CGNL1: variants seen among roughly 807,000 people sequenced by gnomAD.
The protein encoded by CGNL1 is cingulin like 1, also known as cingulin-like protein 1.
Under a neutral mutation model 141.2 loss-of-function variants are expected in CGNL1, and 132 were observed. The ratio of observed to expected loss-of-function variants is 0.93; its 90% CI spans 0.81 to 1.08. The LOEUF (loss-of-function observed/expected upper bound fraction) is 1.08, where lower values mean the gene tolerates loss of function less well. Among genes scored for constraint, CGNL1 ranks in the 50% least tolerant of loss-of-function variants. The pLI is 0.00. For synonymous variants in CGNL1, 690 were observed against 622.1 expected (o/e 1.11, Z -1.63); for missense variants, 1,870 against 1,588.6 (o/e 1.18, Z -3.01).
At chr15:57,410,991 A>T (rs1595674680) in intron 1 of CGNL1, among the ~76,000 whole-genome samples, 1 of 152,254 alleles carries the variant, frequency 6.6e-6, no homozygotes, top group Admixed American at 6.5e-5. Flanking sequence ...CTTAGAGAAC[A>T]TAATTGTTAC....
chr15:57,382,060 C>T (rs1306013643), intron 1 of CGNL1, among the ~76,000 whole-genome samples: 1 of 152,146 alleles, frequency 6.6e-6, no homozygotes, highest in Non-Finnish European at 1.5e-5. Context: ...AGATTAAAAA[C>T]AAAATTCAGC....
intron 14 of CGNL1, among the ~76,000 whole-genome samples, chr15:57,539,805 T>C (rs1439351081): frequency 6.6e-6 from 1 of 152,196 alleles, no homozygotes; most frequent in Non-Finnish European, 1.5e-5. Flanking sequence ...TTATTCTTTA[T>C]ATATTGCTCC....
At chr15:57,538,854 C>G (rs567730113) in intron 14 of CGNL1, among the ~76,000 whole-genome samples, 162 of 152,288 alleles carry the variant, frequency 1.1e-3, no homozygotes, top group Non-Finnish European at 1.8e-3. Flanking sequence ...ATTGAGAGTC[C>G]TAGGTCCTAC....
chr15:57,527,474 G>T (rs2031683977), intron 12 of CGNL1: 2 of 152,184 alleles, frequency 1.3e-5, no homozygotes, highest in South Asian at 4.1e-4. Context: ...CTCAATACTA[G>T]TACCAACTCC....
chr15:57,434,596 T>G (rs2035617474), intron 1 of CGNL1, among the ~76,000 whole-genome samples: 1 of 152,088 alleles, frequency 6.6e-6, no homozygotes, highest in African/African-American at 2.4e-5. Context: ...ATTATGAAAT[T>G]TCAGAATACC....
rs115052971 is a variant in CGNL1, at chr15:57,515,277, G to A, written c.2404-1503G>A. 8.4e-3 allele frequency among the ~76,000 whole-genome samples: 1,279 copies of A among 152,290 alleles called. 19 individuals carry two copies. The highest frequency in any genetic ancestry group is 0.029 in the African/African-American group (1,206 of 41,562). On this transcript the variant is annotated intron_variant, in intron 8 of 18. Coordinates refer to ENST00000281282, the MANE Select transcript of CGNL1 (RefSeq NM_032866.5). ...CATTCTAACTCAGTTGCTTGGCTCC[G>A]ATGGGCTTTCTCTGTTGTATAGAAT...
chr15:57,494,072 T>C (rs556127215), intron 8 of CGNL1, among the ~76,000 whole-genome samples: 8 of 152,292 alleles, frequency 5.3e-5, no homozygotes, highest in African/African-American at 1.7e-4. Context: ...AAAACACTGA[T>C]TGGGGTATGA....
chr15:57,427,301 A>G (rs1295888077), intron 1 of CGNL1, among the ~76,000 whole-genome samples: 1 of 152,232 alleles, frequency 6.6e-6, no homozygotes, highest in Non-Finnish European at 1.5e-5. Flanking sequence ...GGGTGCCTAC[A>G]CAGTGTTATC....
Position 57,439,211 on chromosome 15 carries a change from G to C in CGNL1, c.1212G>C (p.Leu404=), listed in dbSNP as rs761792095. 1.2e-6 allele frequency: 2 copies of C among 1,614,176 alleles called. No homozygotes were observed. The highest frequency in any genetic ancestry group is 1.7e-6 in the Non-Finnish European group (2 of 1,180,022). ...GCCTCCAAGGGAACTCGGAGTACCT[G>C]ATTGAATTCAGTAGGAACTTGGGCA... The part of the protein sequence containing the change: ...PFGLQGNSEY[L]IEFSRNLGKS... Residue 404 remains leucine (L), a synonymous_variant, in exon 2 of 19, where the codon CTG becomes CTC. Transcript: ENST00000281282.
At chr15:57,432,705 T>C (rs754909963) in intron 1 of CGNL1, among the ~76,000 whole-genome samples, 1 of 152,236 alleles carries the variant, frequency 6.6e-6, no homozygotes, top group Non-Finnish European at 1.5e-5. Flanking sequence ...CTAAATTCAT[T>C]AATTAATTCA....
At chr15:57,458,769 TC>T (rs2063410529) in intron 7 of CGNL1, among the ~76,000 whole-genome samples, 1 of 152,134 alleles carries the variant, frequency 6.6e-6, no homozygotes, top group African/African-American at 2.4e-5. Context: ...CAGCAGGGCG[TC>T]CTCTTTGATA....
At chr15:57,507,467 G>C (rs2064118469) in intron 8 of CGNL1, among the ~76,000 whole-genome samples, 1 of 152,110 alleles carries the variant, frequency 6.6e-6, no homozygotes, top group Non-Finnish European at 1.5e-5. Context: ...ACATTATGAA[G>C]AAAACCAGAG....
At chr15:57,453,512 T>C (rs2063344260) in intron 6 of CGNL1, among the ~76,000 whole-genome samples, 171 bp from the exon 7 acceptor site, 1 of 152,208 alleles carries the variant, frequency 6.6e-6, no homozygotes, top group Non-Finnish European at 1.5e-5. Flanking sequence ...GCCTAAGTTC[T>C]TCTCAGCCAC....
In CGNL1 at chr15:57,461,903, G is replaced by C. The variant is rs746113073; in HGVS notation, c.2403+11G>C. ...GAAGAAGCAACCAAGGTGAGGGATG[G>C]GGCAGGAGAATCTGGCTTGTGAACA... On this transcript the variant is annotated intron_variant, in intron 8 of 18. Transcript: ENST00000281282. 3.1e-6 allele frequency: 5 copies of C among 1,609,264 alleles called. No individual in the cohort carries two copies. The highest frequency in any genetic ancestry group is 4.3e-6 in the Non-Finnish European group (5 of 1,176,268).
chr15:57,422,992 T>C (rs1463661929), intron 1 of CGNL1, among the ~76,000 whole-genome samples: 3 of 152,040 alleles, frequency 2.0e-5, no homozygotes, highest in Non-Finnish European at 2.9e-5. Flanking sequence ...CTGGAGTAGT[T>C]TGGGGGTAGA....
At position 57,540,272 on chromosome 15, in the gene CGNL1, A is replaced by C. The variant is rs375828841; in HGVS notation, c.3292-3424A>C. ...ATACCTGAGACTGGGCAATTTATAAATGTTTAGTTGACTCACAGTTCAGCA... is the reference window on the plus strand; with the variant it reads ...ATACCTGAGACTGGGCAATTTATAACTGTTTAGTTGACTCACAGTTCAGCA... On this transcript the variant is annotated intron_variant, in intron 14 of 18. Coordinates refer to ENST00000281282, the MANE Select transcript of CGNL1 (RefSeq NM_032866.5). Among the ~76,000 whole-genome samples, 103 of 152,274 alleles carry C rather than the reference A, an allele frequency of 6.8e-4. No homozygotes were observed. The South Asian group carries it at 0.02, about 30-fold the overall frequency.
Position 57,461,695 on chromosome 15 carries a change from A to G in CGNL1, c.2206A>G (p.Lys736Glu). Reference sequence around the variant, plus strand: ...CTCTCTCTAGGAGCTCTTACAGGCAAAACAGGATCTTCAAGATCTGCTGAT... The same window carrying G: ...CTCTCTCTAGGAGCTCTTACAGGCAGAACAGGATCTTCAAGATCTGCTGAT... ...GALIEELLQA[K>E]QDLQDLLIAK... The change falls in exon 8 of 19, where the codon AAA (lysine) becomes GAA (glutamate). Residue 736 changes from lysine (K) to glutamate (E), a missense_variant. Coordinates refer to ENST00000281282, the MANE Select transcript of CGNL1 (RefSeq NM_032866.5). The G allele has an allele frequency of 6.2e-7, 1 of 1,614,140 alleles. No homozygotes were observed. Among genetic ancestry groups the G allele is most frequent in the South Asian group, 1.1e-5 (1 of 91,076 alleles).
chr15:57,527,699 G>A (rs561674249), intron 12 of CGNL1: 25 of 152,156 alleles, frequency 1.6e-4, no homozygotes, highest in East Asian at 1.9e-4. Context: ...CCTTGTGGAT[G>A]GAAAAAACAA....
intron 1 of CGNL1, among the ~76,000 whole-genome samples, chr15:57,397,373 G>A (rs554158764): frequency 3.3e-5 from 5 of 152,162 alleles, no homozygotes; most frequent in East Asian, 1.9e-4. Context: ...TCCATTTGGC[G>A]GAGTGGTGGT....
Sources: gnomAD v4.1 joint callset for allele counts (sites outside exome capture counted in the v4.1 genomes callset) on GRCh38, gnomAD v4.1.1 for gene constraint, MANE v1.5 for transcripts, NCBI Gene and HGNC (gene_info 2026-07-23, HGNC 2026-07-21) for gene names.